The following FGF14 variants were observed in gnomAD, a reference collection of about 807,000 sequenced individuals.
FGF14 encodes the protein fibroblast growth factor homologous factor 4.
A neutral mutation model predicts 25.5 loss-of-function variants in FGF14; 5 were observed. The observed-to-expected ratio is 0.20, with a 90% CI of 0.10 to 0.41. The LOEUF (loss-of-function observed/expected upper bound fraction) is 0.41. FGF14 is among the 10% of genes least tolerant of loss of function. The pLI is 1.00. For synonymous variants in FGF14, 138 were observed against 118.3 expected, an observed-to-expected ratio of 1.17 and a Z score of -1.08; for missense variants, 222 against 320.1, an observed-to-expected ratio of 0.69 and a Z score of 2.34.
intron 1 of FGF14, among the ~76,000 whole-genome samples, chr13:102,012,330 G>A (rs918907770): frequency 1.6e-4 from 24 of 152,282 alleles, no homozygotes; most frequent in African/African-American, 5.5e-4. Flanking sequence ...AGTCTGGAAA[G>A]AGAAATCAAA....
Position 102,400,269 on chromosome 13 carries a change from C to G in FGF14, c.208+1202G>C, listed in dbSNP as rs1054975314. On this transcript the variant is annotated intron_variant, in intron 1 of 4. Coordinates refer to the FGF14 transcript ENST00000376131. This position sits in a 1 kb window ranked among gnomAD's most constrained non-coding sequence, Gnocchi z 4.3. ...CGTGGAGAGCCATGATCTACTGCAC[C>G]GCAGTGCCAGCGTCAGGAGCTTCCA... Among the ~76,000 whole-genome samples, 6 of 152,180 alleles carry G rather than the reference C, an allele frequency of 3.9e-5. No homozygotes were observed. The highest frequency in any genetic ancestry group is 1.4e-4 in the African/African-American group (6 of 41,436).
intron 3 of FGF14, among the ~76,000 whole-genome samples, chr13:101,821,006 G>GGGC (rs1273660784): frequency 6.4e-4 from 94 of 146,744 alleles, no homozygotes; most frequent in African/African-American, 2.3e-3. Context: ...GGAGTGCAGT[G>GGGC]GCATGATCTC....
At chr13:101,779,587 A>G (rs1247552783) in intron 3 of FGF14, among the ~76,000 whole-genome samples, 1 of 152,188 alleles carries the variant, frequency 6.6e-6, no homozygotes, top group East Asian at 1.9e-4. Context: ...ATATTTCTCA[A>G]ATATTTCTCC....
chr13:102,115,689 G>T (rs1412391641), intron 1 of FGF14, among the ~76,000 whole-genome samples: 1 of 152,154 alleles, frequency 6.6e-6, no homozygotes, highest in Non-Finnish European at 1.5e-5. Flanking sequence ...TGAGTGGAGA[G>T]GGTCAGGGAG....
intron 1 of FGF14, among the ~76,000 whole-genome samples, chr13:102,198,156 T>C (rs2049449973): frequency 6.6e-6 from 1 of 152,042 alleles, no homozygotes; most frequent in African/African-American, 2.4e-5. Flanking sequence ...CTCTTGGAGG[T>C]AGATGTTGCA....
In FGF14 at chr13:101,739,211, A is replaced by T. The variant is rs531548260; in HGVS notation, c.409-12401T>A. On this transcript the variant is annotated intron_variant, in intron 3 of 4. Transcript: ENST00000376143. Reference sequence around the variant, plus strand: ...TTGAGTACTGTGAACACATGGAAACAAATTTCCATTTATTCTTTACTTAAT... The same window carrying T: ...TTGAGTACTGTGAACACATGGAAACTAATTTCCATTTATTCTTTACTTAAT... Among the ~76,000 whole-genome samples, 8 of 151,484 alleles carry T rather than the reference A, an allele frequency of 5.3e-5. No homozygotes were observed. The South Asian group carries it at 1.7e-3, about 32-fold the overall frequency.
chr13:102,019,668 G>A (rs534514979), intron 1 of FGF14, among the ~76,000 whole-genome samples: 3 of 152,258 alleles, frequency 2.0e-5, no homozygotes, highest in East Asian at 1.9e-4. Context: ...AAAATGAGAT[G>A]TTCTAAGCAA....
intron 1 of FGF14, among the ~76,000 whole-genome samples, chr13:102,388,820 T>C (rs764717918): frequency 6.6e-6 from 1 of 152,194 alleles, no homozygotes; most frequent in Non-Finnish European, 1.5e-5. Flanking sequence ...AATCATGTCG[T>C]TTCTCTTTTT....
At chr13:101,904,002 G>C (rs1407786) in intron 1 of FGF14, among the ~76,000 whole-genome samples, 74,463 of 152,060 alleles carry the variant, frequency 0.49, 22,087 homozygotes, top group African/African-American at 0.83. Context: ...ACATATAATT[G>C]CTCTGGCAAA....
chr13:101,761,070 A>T (rs1268791351), intron 3 of FGF14, among the ~76,000 whole-genome samples: 10 of 152,244 alleles, frequency 6.6e-5, no homozygotes, highest in Non-Finnish European at 1.5e-4. Flanking sequence ...AATTAGGCAC[A>T]CTTCTTCTCC....
At chr13:102,000,961 C>G (rs2039461084) in intron 1 of FGF14, among the ~76,000 whole-genome samples, 1 of 152,066 alleles carries the variant, frequency 6.6e-6, no homozygotes, top group Non-Finnish European at 1.5e-5. Context: ...GCCAAGGAAT[C>G]CTTAAAGGGC....
intron 1 of FGF14, among the ~76,000 whole-genome samples, chr13:102,216,862 T>C (rs1465982725): frequency 6.6e-6 from 1 of 152,200 alleles, no homozygotes; most frequent in Non-Finnish European, 1.5e-5. Flanking sequence ...TCTAAGTCAA[T>C]GAGAACAACT....
intron 1 of FGF14, among the ~76,000 whole-genome samples, chr13:102,026,354 A>G (rs1030152257): frequency 2.6e-5 from 4 of 151,840 alleles, no homozygotes; most frequent in Non-Finnish European, 5.9e-5. Context: ...ATATTTCATT[A>G]AAATTTTTTT....
chr13:102,088,713 T>G (rs1432259057), intron 1 of FGF14, among the ~76,000 whole-genome samples: 1 of 152,132 alleles, frequency 6.6e-6, no homozygotes, highest in African/African-American at 2.4e-5. Flanking sequence ...CATATATATC[T>G]AATCTAATAA....
chr13:102,154,540 C>T (rs997056518), intron 1 of FGF14, among the ~76,000 whole-genome samples: 13 of 152,094 alleles, frequency 8.5e-5, no homozygotes, highest in African/African-American at 2.7e-4. Flanking sequence ...AAGGAACAAC[C>T]GGTACCAGCC....
exon 1 of FGF14, chr13:102,401,488 T>G: frequency 6.2e-7 from 1 of 1,614,182 alleles, no homozygotes; most frequent in Non-Finnish European, 8.5e-7. Flanking sequence ...GTTCTTGTTT[T>G]TCTTAAGACT....
chr13:102,107,091 A>G (rs1404397466), intron 1 of FGF14, among the ~76,000 whole-genome samples: 3 of 152,156 alleles, frequency 2.0e-5, no homozygotes, highest in African/African-American at 7.2e-5. Flanking sequence ...CAGTTTGATG[A>G]CTACTAGCCA....
Position 102,111,791 on chromosome 13 carries a change from A to C in FGF14, c.209-236495T>G, listed in dbSNP as rs1226394677. On this transcript the variant is annotated intron_variant, in intron 1 of 4. Coordinates refer to the FGF14 transcript ENST00000376131. ...CAACCATCAAACAAAAAAAAAAAAAACCAAAGCAAAACAAAAACAAACAAA... is the reference window on the plus strand; with the variant it reads ...CAACCATCAAACAAAAAAAAAAAAACCCAAAGCAAAACAAAAACAAACAAA... 3.3e-5 allele frequency among the ~76,000 whole-genome samples: 5 copies of C among 150,650 alleles called. No individual in the cohort carries two copies. The South Asian group carries it at 6.3e-4, about 19-fold the overall frequency.
intron 1 of FGF14, among the ~76,000 whole-genome samples, chr13:102,288,539 CT>C (rs1316192587): frequency 6.6e-6 from 1 of 151,882 alleles, no homozygotes; most frequent in Non-Finnish European, 1.5e-5. Context: ...TTTTATATAT[CT>C]ATACAGCTGA....
Sources: allele counts gnomAD v4.1 joint callset (sites outside exome capture counted in the v4.1 genomes callset), GRCh38; gene constraint gnomAD v4.1.1; non-coding constraint Gnocchi (gnomAD v3.1); transcripts MANE v1.5; gene names NCBI Gene and HGNC (gene_info 2026-07-23, HGNC 2026-07-21).